CES5A: variants seen among roughly 807,000 people sequenced by gnomAD.
CES5A encodes the protein carboxylesterase 5A.
CES5A carries 67 observed loss-of-function variants against 62.9 expected under a neutral mutation model. The observed-to-expected ratio is 1.07, with a 90% CI of 0.88 to 1.31. The LOEUF (loss-of-function observed/expected upper bound fraction) is 1.31. Ranked by LOEUF, CES5A falls within the 50% of genes most tolerant of loss-of-function variation. CES5A has a pLI of 0.00. For missense variants in CES5A, 748 were observed against 708.5 expected (o/e 1.06, Z -0.63); for synonymous variants, 296 against 280.8 (o/e 1.05, Z -0.54).
intron 10 of CES5A, among the ~76,000 whole-genome samples, chr16:55,850,535 G>A (rs1187276036): frequency 6.6e-6 from 1 of 152,178 alleles, no homozygotes; most frequent in Non-Finnish European, 1.5e-5. Flanking sequence ...AGGCTCATCT[G>A]TGTTGTAGCA....
chr16:55,895,891 CA>C (rs1258250053), intron 1 of CES5A, among the ~76,000 whole-genome samples: 3 of 152,184 alleles, frequency 2.0e-5, no homozygotes, highest in African/African-American at 7.2e-5. Context: ...CCCTTATGAA[CA>C]AATTAATGCC....
chr16:55,856,272 G>T, intron 9 of CES5A, 105 bp downstream of exon 9: 1 of 925,124 alleles, frequency 1.1e-6, no homozygotes, highest in Non-Finnish European at 1.8e-6. Context: ...ATGACTGAGT[G>T]AGTGAGGAGT....
chr16:55,856,313 T>A, intron 9 of CES5A, 64 bp downstream of exon 9: 2 of 1,477,698 alleles, frequency 1.4e-6, no homozygotes, highest in South Asian at 1.1e-5. Context: ...CTGCTGAGTG[T>A]GACCTAGGGC....
intron 2 of CES5A, among the ~76,000 whole-genome samples, chr16:55,938,750 AAAAAAAAAAAAAAAAATATATATATATAT>A (rs2034406065): frequency 2.7e-5 from 2 of 73,682 alleles, no homozygotes; most frequent in South Asian, 9.4e-4. Context: ...AAAAAAAAAA[AAAAAAAAAAAAAAAAATATATATATATAT>A]ATATATATAT....
intron 1 of CES5A, among the ~76,000 whole-genome samples, chr16:55,918,479 C>T (rs1235528151): frequency 1.3e-5 from 2 of 152,296 alleles, no homozygotes; most frequent in East Asian, 3.9e-4. Context: ...TCTTCCCATA[C>T]CATTAGATTC....
chr16:55,873,803 A>T (rs777229966), intron 2 of CES5A, 30 bp downstream of exon 2: 1 of 1,591,090 alleles, frequency 6.3e-7, no homozygotes, highest in South Asian at 1.2e-5. Context: ...CAGAGTCACA[A>T]ACCACCCGTG....
intron 6 of CES5A, 85 bp downstream of exon 6, chr16:55,863,263 G>T: frequency 1.2e-6 from 1 of 808,000 alleles, no homozygotes; most frequent in Non-Finnish European, 2.2e-6. Flanking sequence ...ACTAAGGAAA[G>T]CCAAACACAT....
At chr16:55,930,234 T>A (rs1244003857), upstream of CES5A, among the ~76,000 whole-genome samples, 1 of 149,222 alleles carries the variant, frequency 6.7e-6, no homozygotes, top group Non-Finnish European at 1.5e-5. Context: ...AAAGGACCAA[T>A]GTCTGACCAA....
chr16:55,925,723 C>G (rs1360380084), upstream of CES5A, among the ~76,000 whole-genome samples: 3 of 152,032 alleles, frequency 2.0e-5, no homozygotes, highest in Non-Finnish European at 2.9e-5. Context: ...ATGGACAGAA[C>G]TGGAGGTCAT....
intron 1 of CES5A, among the ~76,000 whole-genome samples, chr16:55,883,987 A>G (rs1301867636): frequency 6.6e-6 from 1 of 152,216 alleles, no homozygotes; most frequent in Non-Finnish European, 1.5e-5. Context: ...GTCTCTACAT[A>G]GCAATGTCAC....
Position 55,871,729 on chromosome 16 carries a change from G to C in CES5A, c.313C>G (p.Gln105Glu). ...LQNSEWLLLDQHMLKVHYPKF... is the reference protein window; with the variant it reads ...LQNSEWLLLDEHMLKVHYPKF... Reference sequence around the variant, plus strand: ...GGGTAATGCACCTTGAGCATATGTTGATCTAAGAGCAGCCACTCTGAGTTC... The same window carrying C: ...GGGTAATGCACCTTGAGCATATGTTCATCTAAGAGCAGCCACTCTGAGTTC... The change falls in exon 3 of 13, where the codon CAA becomes GAA. Residue 105 changes from glutamine to glutamate, a missense_variant. Physicochemically the swap from Gln to Glu is conservative, Grantham distance 29 (BLOSUM62 2). Coordinates refer to ENST00000290567, the MANE Select transcript of CES5A (RefSeq NM_001143685.2). 6.2e-7 allele frequency: 1 copy of C among 1,614,062 alleles called. No homozygotes were observed. The highest frequency in any genetic ancestry group is 8.5e-7 in the Non-Finnish European group (1 of 1,179,984).
At chr16:55,900,157 C>G (rs1326392427) in intron 1 of CES5A, among the ~76,000 whole-genome samples, 5 of 152,156 alleles carry the variant, frequency 3.3e-5, no homozygotes, top group Non-Finnish European at 5.9e-5. Context: ...AGGCTCATTT[C>G]TCCAACCACG....
intron 1 of CES5A, among the ~76,000 whole-genome samples, chr16:55,910,244 C>T (rs1475307407): frequency 6.6e-6 from 1 of 152,194 alleles, no homozygotes; most frequent in Non-Finnish European, 1.5e-5. Context: ...CTCCAACAGC[C>T]ACTGGCCTGA....
intron 2 of CES5A, chr16:55,944,011 G>C: frequency 1.4e-6 from 1 of 701,922 alleles, no homozygotes; most frequent in Non-Finnish European, 2.6e-6. Context: ...CTCTTTCCAG[G>C]GAAAAATCGC....
At chr16:55,870,208 C>A (rs1433772072) in intron 3 of CES5A, among the ~76,000 whole-genome samples, 1 of 151,636 alleles carries the variant, frequency 6.6e-6, no homozygotes, top group Non-Finnish European at 1.5e-5. Context: ...GCAAAAGCAG[C>A]CCAAGGTGTT....
intron 2 of CES5A, among the ~76,000 whole-genome samples, chr16:55,932,585 G>T (rs1287575959): frequency 6.6e-6 from 1 of 152,052 alleles, no homozygotes; most frequent in African/African-American, 2.4e-5. Flanking sequence ...GGCAACTCTG[G>T]ATAGAGTCAT....
intron 1 of CES5A, among the ~76,000 whole-genome samples, chr16:55,888,646 C>A (rs1174735613): frequency 6.6e-6 from 1 of 152,316 alleles, no homozygotes; most frequent in Non-Finnish European, 1.5e-5. Context: ...TTCGGGGAAT[C>A]CAGACTAAGA....
In CES5A at chr16:55,849,735, G is replaced by A. The variant is rs563784211; in HGVS notation, c.1312C>T (p.Arg438Trp). 40 of 1,613,958 alleles carry A rather than the reference G, an allele frequency of 2.5e-5. No individual in the cohort carries two copies. Among genetic ancestry groups the A allele is most frequent in the South Asian group, 1.3e-4 (12 of 91,074 alleles). Residue 438 changes from arginine to tryptophan, a missense_variant, in exon 11 of 13, where the codon CGG (arginine) becomes TGG (tryptophan). Transcript: ENST00000290567. ...APVYFYEFRH[R>W]PQCFEDTKPA... ...TTCGTGTCTTCAAAGCACTGAGGCC[G>A]GTGCCGAAACTCATAGAAGTAGACA... is the stretch of plus-strand genomic sequence containing the variant.
intron 8 of CES5A, among the ~76,000 whole-genome samples, chr16:55,859,136 C>T (rs1168939539): frequency 2.6e-5 from 4 of 152,214 alleles, no homozygotes; most frequent in African/African-American, 9.7e-5. Flanking sequence ...CCTTAGCATT[C>T]AGGGATGTCA....
Sources: gnomAD v4.1 joint callset for allele counts (sites outside exome capture counted in the v4.1 genomes callset) on GRCh38, gnomAD v4.1.1 for gene constraint, MANE v1.5 for transcripts, NCBI Gene and HGNC (gene_info 2026-07-23, HGNC 2026-07-21) for gene names.